The following ATP8B4 variants were observed in gnomAD, a reference collection of about 807,000 sequenced individuals.
ATP8B4 encodes the protein probable phospholipid-transporting ATPase IM.
A neutral mutation model predicts 145.6 loss-of-function variants in ATP8B4; 133 were observed. The ratio of observed to expected loss-of-function variants is 0.91; its 90% CI spans 0.79 to 1.05. ATP8B4 has a LOEUF of 1.05. ATP8B4 is among the 50% of genes least tolerant of loss of function. ATP8B4 has a pLI of 0.00. For missense variants in ATP8B4, 1,458 were observed against 1,425.2 expected, an observed-to-expected ratio of 1.02 and a Z score of -0.37; for synonymous variants, 507 against 492.9, an observed-to-expected ratio of 1.03 and a Z score of -0.38.
At chr15:50,095,995 G>A (rs1048142862) in intron 2 of ATP8B4, among the ~76,000 whole-genome samples, 3 of 152,138 alleles carry the variant, frequency 2.0e-5, no homozygotes, top group Non-Finnish European at 4.4e-5. Flanking sequence ...TGGAAATAAC[G>A]TATAATGTTT....
intron 17 of ATP8B4, among the ~76,000 whole-genome samples, chr15:49,921,392 C>G (rs1166301678): frequency 6.6e-6 from 1 of 152,146 alleles, no homozygotes; most frequent in Non-Finnish European, 1.5e-5. Context: ...TCGTGACAAT[C>G]TCAAACACCT....
At chr15:49,953,618 C>A (rs746111063) in intron 14 of ATP8B4, among the ~76,000 whole-genome samples, 1 of 152,200 alleles carries the variant, frequency 6.6e-6, no homozygotes, top group East Asian at 1.9e-4. Context: ...CTTCCCCCAC[C>A]CAAGGAGCTT....
At chr15:50,090,400 T>C (rs2055530167) in intron 2 of ATP8B4, among the ~76,000 whole-genome samples, 1 of 152,202 alleles carries the variant, frequency 6.6e-6, no homozygotes, top group African/African-American at 2.4e-5. Flanking sequence ...CCCTATGTGA[T>C]GCAATTCAGA....
At chr15:50,084,319 A>G (rs901324671) in intron 2 of ATP8B4, among the ~76,000 whole-genome samples, 8 of 152,182 alleles carry the variant, frequency 5.3e-5, no homozygotes, top group African/African-American at 1.9e-4. Flanking sequence ...TATTCATGAC[A>G]CATTCAGGTA....
At chr15:50,173,916 C>G (rs2044725809) in intron 1 of ATP8B4, among the ~76,000 whole-genome samples, 1 of 152,104 alleles carries the variant, frequency 6.6e-6, no homozygotes, top group African/African-American at 2.4e-5. Flanking sequence ...CTAACTAAAT[C>G]CAACAACATA....
chr15:50,102,473 T>A (rs1000391929), intron 2 of ATP8B4, among the ~76,000 whole-genome samples: 1 of 151,912 alleles, frequency 6.6e-6, no homozygotes, highest in Non-Finnish European at 1.5e-5. Context: ...CACCTTTACA[T>A]CCATAAACTG....
chr15:49,871,948 G>A (rs2033727706), intron 25 of ATP8B4, among the ~76,000 whole-genome samples: 1 of 152,158 alleles, frequency 6.6e-6, no homozygotes, highest in African/African-American at 2.4e-5. Flanking sequence ...TGGGCTGGGA[G>A]TATATGGATA....
intron 14 of ATP8B4, among the ~76,000 whole-genome samples, chr15:49,956,585 G>A (rs2413986): frequency 0.5 from 75,954 of 152,046 alleles, 19,833 homozygotes; most frequent in Non-Finnish European, 0.57. Flanking sequence ...ACTCTCACCC[G>A]GGCTGGAATG....
chr15:50,160,085 G>A (rs1192678804), intron 1 of ATP8B4, among the ~76,000 whole-genome samples: 1 of 92,328 alleles, frequency 1.1e-5, no homozygotes, highest in African/African-American at 4.1e-5. Context: ...CTTGTTATTG[G>A]TCTGTTCAGG....
At chr15:50,026,436 G>C (rs1281948320) in intron 6 of ATP8B4, among the ~76,000 whole-genome samples, 1 of 152,158 alleles carries the variant, frequency 6.6e-6, no homozygotes. Flanking sequence ...CTGCACCTGG[G>C]TGATTCAGAT....
chr15:50,034,434 T>C (rs1297823116), intron 6 of ATP8B4, among the ~76,000 whole-genome samples: 1 of 152,086 alleles, frequency 6.6e-6, no homozygotes, highest in East Asian at 1.9e-4. Flanking sequence ...TTCACCATGT[T>C]GGTCAAGCTG....
intron 1 of ATP8B4, among the ~76,000 whole-genome samples, chr15:50,156,891 T>C (rs976488022): frequency 2.6e-5 from 4 of 152,196 alleles, no homozygotes; most frequent in African/African-American, 7.2e-5. Flanking sequence ...ATTGTGGTGA[T>C]AGTCTTAGCG....
chr15:49,947,437 CAAAAAAA>C (rs35281379), intron 14 of ATP8B4, among the ~76,000 whole-genome samples: 1 of 89,058 alleles, frequency 1.1e-5, no homozygotes, highest in African/African-American at 4.4e-5. Flanking sequence ...GACTCTGTCT[CAAAAAAA>C]AAAAAAAAAA....
rs534438641 is a variant in ATP8B4 at position 49,920,388 on chromosome 15, C to T, written c.1781G>A (p.Arg594Gln). 6.2e-6 allele frequency: 10 copies of T among 1,613,796 alleles called. No homozygotes were observed. The highest frequency in any genetic ancestry group is 5.5e-5 in the South Asian group (5 of 90,996). The change falls in exon 18 of 28, where the codon CGG becomes CAG. Residue 594 changes from arginine (R) to glutamine (Q), a missense_variant. Physicochemically the swap from Arg to Gln is conservative, Grantham distance 43. Coordinates refer to ENST00000284509, the MANE Select transcript of ATP8B4 (RefSeq NM_024837.4). ...HLSEFAGEGL[R>Q]TLAIAYRDLD... Reference sequence around the variant, plus strand: ...GTCTCTGTATGCGATGGCCAAGGTCCGAAGGCCTTCCCCTGCAAATTCCTG... The same window carrying T: ...GTCTCTGTATGCGATGGCCAAGGTCTGAAGGCCTTCCCCTGCAAATTCCTG...
In ATP8B4 at chr15:50,132,059, C is replaced by T. The variant is rs1344317086; in HGVS notation, c.-42-25051G>A. Among the ~76,000 whole-genome samples the T allele has an allele frequency of 2.6e-5, 4 of 152,044 alleles. No individual in the cohort carries two copies. In the East Asian group the frequency reaches 7.7e-4, roughly 29 times the overall value. On this transcript the variant is annotated intron_variant, in intron 1 of 3. Coordinates refer to the ATP8B4 transcript ENST00000558829. ...TATGCCTGATTATAGTACTCACACACACACTATAATAGTCATTCAACAATT... is the reference window on the plus strand; with the variant it reads ...TATGCCTGATTATAGTACTCACACATACACTATAATAGTCATTCAACAATT...
At chr15:50,157,097 C>T (rs1348826419) in intron 1 of ATP8B4, among the ~76,000 whole-genome samples, 3 of 152,058 alleles carry the variant, frequency 2.0e-5, no homozygotes, top group African/African-American at 4.8e-5. Flanking sequence ...AGAGAAAGAA[C>T]CACAAGTAAA....
chr15:50,150,425 A>G (rs979279552), intron 1 of ATP8B4, among the ~76,000 whole-genome samples: 5 of 152,194 alleles, frequency 3.3e-5, no homozygotes, highest in Non-Finnish European at 5.9e-5. Flanking sequence ...CCTCCTTTTC[A>G]TCAAGATCTT....
chr15:50,085,941 ATATGATATATAT>A (rs2054941861), intron 2 of ATP8B4, among the ~76,000 whole-genome samples: 1 of 96,606 alleles, frequency 1.0e-5, no homozygotes, highest in Non-Finnish European at 1.8e-5. Flanking sequence ...ATATATTTAT[ATATGATATATAT>A]CATATATATT....
chr15:50,116,198 G>T (rs1180183056), intron 1 of ATP8B4, among the ~76,000 whole-genome samples: 1 of 152,148 alleles, frequency 6.6e-6, no homozygotes, highest in Non-Finnish European at 1.5e-5. Context: ...CAGATGGATT[G>T]CTTGAGCCCA....
Sources: allele counts gnomAD v4.1 joint callset (sites outside exome capture counted in the v4.1 genomes callset), GRCh38; gene constraint gnomAD v4.1.1; transcripts MANE v1.5; gene names NCBI Gene and HGNC (gene_info 2026-07-23, HGNC 2026-07-21).